TRO: variants seen among roughly 807,000 people sequenced by gnomAD.
TRO encodes the protein MAGE superfamily protein.
TRO carries 29 observed loss-of-function variants against 42.3 expected under a neutral mutation model. The observed-to-expected ratio is 0.68, with a 90% CI of 0.51 to 0.93. The LOEUF is 0.93. TRO is among the 40% of genes least tolerant of loss of function. The pLI is 0.00. For synonymous variants in TRO, 384 were observed against 425.2 expected (o/e 0.90, Z 1.19); for missense variants, 963 against 1,127.7 (o/e 0.85, Z 2.09).
intron 5 of TRO, 127 bp downstream of exon 5, chrX:54,924,860 G>A: frequency 1.0e-6 from 1 of 962,469 alleles, no homozygotes; most frequent in Non-Finnish European, 1.5e-6. Context: ...CTTGCACTCT[G>A]CCATGGCTGG....
chrX:54,921,610 T>G (rs1602125234), intron 1 of TRO, among the ~76,000 whole-genome samples: 2 of 82,494 alleles, frequency 2.4e-5, no homozygotes, highest in African/African-American at 4.8e-5. Context: ...GAAGGGAAGA[T>G]GAAGAGAAAT....
At chrX:54,925,753 C>A in intron 7 of TRO, 70 bp downstream of exon 7, 1 of 908,783 alleles carries the variant, frequency 1.1e-6, no homozygotes, top group Non-Finnish European at 1.6e-6. Context: ...CCTTCTTTGT[C>A]CTACTTCCCC....
chrX:54,929,686 G>A lies in TRO; in HGVS notation c.2962G>A (p.Gly988Ser). The change falls in exon 12 of 13, where the codon GGT becomes AGT. Residue 988 changes from glycine (G) to serine (S), a missense_variant. By Grantham distance (56) the Gly-to-Ser change is moderately conservative. Around this residue, in one of 2 missense-constraint regions of TRO, gnomAD observed 641 missense variants for 811.3 expected, o/e 0.79. Coordinates refer to ENST00000173898, the MANE Select transcript of TRO (RefSeq NM_001039705.3). The part of the protein sequence containing the change: ...SFGSVLNTST[G>S]FGGAMSTSAD... ...TGGCAGTGTGCTCAACACCAGTACT[G>A]GTTTTGGTGGTGCTATGAGCACCAG... is the stretch of plus-strand genomic sequence containing the variant. 3 of 1,207,803 alleles carry A rather than the reference G, an allele frequency of 2.5e-6. No individual in the cohort carries two copies. Among genetic ancestry groups the A allele is most frequent in the African/African-American group, 1.8e-5 (1 of 56,388 alleles).
Position 54,931,047 on chromosome X carries a change from C to T in TRO, c.*11+16C>T. The T allele has an allele frequency of 1.7e-6, 2 of 1,170,815 alleles. No individual in the cohort carries two copies. The highest frequency in any genetic ancestry group is 2.0e-5 in the South Asian group (1 of 50,618). ...GAGGTTTCAGGTAACTGCAATATTT[C>T]CATAGCCAGGACCCACAGGGATGGG... On this transcript the variant is annotated intron_variant, in intron 12 of 12. Transcript: ENST00000173898.
In TRO at chrX:54,930,857, G is replaced by T; in HGVS notation, c.4133G>T (p.Cys1378Phe). ...SGGPSTGVGF[C>F]SGPSTSGFSG... ...GGACCAAGCACTGGTGTTGGCTTCT[G>T]CAGTGGACCAAGCACCAGTGGCTTC... The change falls in exon 12 of 13, where the codon TGC becomes TTC. Residue 1378 changes from cysteine to phenylalanine, a missense_variant. Transcript: ENST00000173898. 1 of 1,211,576 alleles carries T rather than the reference G, an allele frequency of 8.3e-7. No homozygotes were observed. The highest frequency in any genetic ancestry group is 1.1e-6 in the Non-Finnish European group (1 of 895,405).
Position 54,930,118 on chromosome X carries a change from G to A in TRO, c.3394G>A (p.Ala1132Thr). The A allele has an allele frequency of 8.3e-7, 1 of 1,207,857 alleles. No homozygotes were observed. ...TPSNSIGFGA[A>T]PSTSVSFGGA... ...CAGCAACAGCATTGGCTTTGGTGCT[G>A]CTCCCAGCACCAGTGTCAGCTTTGG... Residue 1132 changes from alanine (A) to threonine (T), a missense_variant, in exon 12 of 13, where the codon GCT (alanine) becomes ACT (threonine). By Grantham distance (58) the Ala-to-Thr change is moderately conservative. This residue lies in a region of TRO where 641 missense variants were observed against 811.3 expected (regional missense o/e 0.79). Transcript: ENST00000173898.
At chrX:54,922,081 T>G (rs1932149137) in intron 1 of TRO, 122 bp from the exon 2 acceptor site, 1 of 498,938 alleles carries the variant, frequency 2.0e-6, no homozygotes, top group Non-Finnish European at 3.2e-6. Flanking sequence ...TGGCCTGGGT[T>G]TTTTAGGTAT....
Position 54,922,912 on chromosome X carries a change from C to T in TRO, c.380C>T (p.Thr127Ile). 8.3e-7 allele frequency: 1 copy of T among 1,211,812 alleles called. No individual in the cohort carries two copies. The highest frequency in any genetic ancestry group is 1.1e-6 in the Non-Finnish European group (1 of 895,523). Residue 127 changes from threonine to isoleucine, a missense_variant, in exon 3 of 13, where the codon ACT (threonine) becomes ATT (isoleucine). Physicochemically the swap from Thr to Ile is moderately conservative, Grantham distance 89. Coordinates refer to ENST00000173898, the MANE Select transcript of TRO (RefSeq NM_001039705.3). ...TTACCTACCACTGAGGTAACCAATA[C>T]TCAGGCTTCTTCAGTCACTGCTCAG... ...QALPTTEVTN[T>I]QASSVTAQPK...
rs758954164 is a variant in TRO at position 54,924,728 on chromosome X, G to A, written c.1400G>A (p.Arg467His). The change falls in exon 5 of 13, where the codon CGC (arginine) becomes CAC (histidine). Residue 467 changes from arginine (R) to histidine (H), a missense_variant. Physicochemically the swap from Arg to His is conservative, Grantham distance 29 (BLOSUM62 0). This residue lies in a region of TRO where 641 missense variants were observed against 811.3 expected (regional missense o/e 0.79). Transcript: ENST00000173898. Reference sequence around the variant, plus strand: ...GACCAGACAAAGATCCCCATCAAACGCTCAGGTAGTGTCCTACCAACCCTC... The same window carrying A: ...GACCAGACAAAGATCCCCATCAAACACTCAGGTAGTGTCCTACCAACCCTC... ...VKDQTKIPIK[R>H]SDMLRDVIQE... 8 of 1,209,303 alleles carry A rather than the reference G, an allele frequency of 6.6e-6. No individual in the cohort carries two copies. Among genetic ancestry groups the A allele is most frequent in the Admixed American group, 4.4e-5 (2 of 45,759 alleles).
intron 1 of TRO, 91 bp from the exon 2 acceptor site, chrX:54,922,112 G>T (rs1932154960): frequency 1.4e-6 from 1 of 699,196 alleles, no homozygotes; most frequent in African/African-American, 2.2e-5. Context: ...GAGTTGAAGG[G>T]ATTAGGGCCC....
At position 54,922,464 on chromosome X, in the gene TRO, G is replaced by A. The variant is rs1222391878; in HGVS notation, c.46-114G>A. On this transcript the variant is annotated intron_variant, in intron 2 of 12. Coordinates refer to ENST00000173898, the MANE Select transcript of TRO (RefSeq NM_001039705.3). ...ACCTGCCTGACTCTATTCCTTCCTT[G>A]CTCCCTACCCCATTTTAATTAACCA... The A allele has an allele frequency of 1.9e-5, 17 of 915,184 alleles. No individual in the cohort carries two copies. The African/African-American group carries it at 2.4e-4, about 13-fold the overall frequency. 75.4% of individuals were successfully genotyped at this position (915,184 alleles called of 1,213,427 possible). A position where few individuals can be genotyped will look rare whatever the true frequency, so the allele number is the denominator to read the frequency against.
At position 54,922,795 on chromosome X, in the gene TRO, C is replaced by T. The variant is rs776160954; in HGVS notation, c.263C>T (p.Pro88Leu). 6 of 1,207,196 alleles carry T rather than the reference C, an allele frequency of 5.0e-6. No homozygotes were observed. Among genetic ancestry groups the T allele is most frequent in the Non-Finnish European group, 5.6e-6 (5 of 892,977 alleles). ...TITKAAPAAPPVPAANEIATN... is the reference protein window; with the variant it reads ...TITKAAPAAPLVPAANEIATN... ...ACTAAGGCTGCACCTGCTGCCCCTC[C>T]AGTCCCAGCTGCCAATGAGATTGCC... The change falls in exon 3 of 13, where the codon CCA becomes CTA. Residue 88 changes from proline to leucine, a missense_variant. Transcript: ENST00000173898.
intron 10 of TRO, 89 bp downstream of exon 10, chrX:54,927,194 T>C (rs1932795330): frequency 4.0e-6 from 4 of 999,892 alleles, no homozygotes; most frequent in Admixed American, 2.4e-5. Context: ...GCCTTTCTTA[T>C]ACTAGCTTTA....
At chrX:54,924,261 T>C (rs1932486618) in intron 3 of TRO, 190 bp from the exon 4 acceptor site, 3 of 414,998 alleles carry the variant, frequency 7.2e-6, no homozygotes, top group Non-Finnish European at 1.2e-5. Flanking sequence ...ACGAAACTCC[T>C]TCCTGGAAGA....
chrX:54,924,935 G>A, intron 5 of TRO, 54 bp from the exon 6 acceptor site: 1 of 1,138,805 alleles, frequency 8.8e-7, no homozygotes, highest in Middle Eastern at 2.4e-4. Flanking sequence ...CAAAAGGGCT[G>A]CAGCTCTGTG....
At chrX:54,927,381 C>G (rs1932802618) in intron 10 of TRO, 1 of 492,210 alleles carries the variant, frequency 2.0e-6, no homozygotes, top group South Asian at 3.0e-5. Flanking sequence ...TGGGCTTACT[C>G]CTCACAGGTG....
At position 54,931,271 on chromosome X, in the gene TRO, A is replaced by C. The variant is rs1216431229; in HGVS notation, c.*79A>C. ...AGTCCTTCCCATGGAGCCAAAGTAC[A>C]TCCTTGGAATCTTTGTCCACACAGC... On this transcript the variant is annotated 3_prime_UTR_variant, in exon 13 of 13. Transcript: ENST00000173898. The C allele has an allele frequency of 5.8e-6, 7 of 1,210,389 alleles. No individual in the cohort carries two copies. The highest frequency in any genetic ancestry group is 7.8e-6 in the Non-Finnish European group (7 of 895,167).
At chrX:54,926,386 C>A (rs1452628365) in intron 7 of TRO, 24 bp from the exon 8 acceptor site, 1 of 1,194,334 alleles carries the variant, frequency 8.4e-7, no homozygotes, top group African/African-American at 1.8e-5. Context: ...CATAAACCTT[C>A]TTTCTGTCCT....
rs199620781 is a variant in TRO at position 54,923,233 on chromosome X, C to T, written c.701C>T (p.Thr234Ile). 1.1e-4 allele frequency: 139 copies of T among 1,209,971 alleles called. 1 individual carries two copies. The African/African-American group carries it at 2.0e-3, about 18-fold the overall frequency. Reference sequence around the variant, plus strand: ...GCAACTGCCACCCATACAGCTACCACCCAAGGCCAAATTACCAATGAGACA... The same window carrying T: ...GCAACTGCCACCCATACAGCTACCATCCAAGGCCAAATTACCAATGAGACA... ...LAATATHTAT[T>I]QGQITNETAS... Residue 234 changes from threonine to isoleucine, a missense_variant, in exon 3 of 13, where the codon ACC becomes ATC. By Grantham distance (89) the Thr-to-Ile change is moderately conservative. This residue lies in a region of TRO where 322 missense variants were observed against 316.5 expected (regional missense o/e 1.02). Transcript: ENST00000173898.
Sources: allele counts gnomAD v4.1 joint callset (sites outside exome capture counted in the v4.1 genomes callset), GRCh38; gene constraint gnomAD v4.1.1; regional missense constraint gnomAD v4.1.1; transcripts MANE v1.5; gene names NCBI Gene and HGNC (gene_info 2026-07-23, HGNC 2026-07-21).